Variants in REPS2 observed in about 807,000 individuals in gnomAD.
REPS2 encodes RALBP1 associated Eps domain containing 2, also known as ralBP1-associated Eps domain-containing protein 2.
A neutral mutation model predicts 53.6 loss-of-function variants in REPS2; 23 were observed. The observed-to-expected ratio is 0.43, with a 90% CI of 0.31 to 0.61. The LOEUF (loss-of-function observed/expected upper bound fraction) is 0.61, where lower values mean the gene tolerates loss of function less well. Ranked by LOEUF, REPS2 falls within the 20% of genes least tolerant of loss-of-function variation. The probability of loss-of-function intolerance (pLI) is 0.11; values close to 1 mark genes in which losing one functional copy is unlikely to be tolerated. For missense variants in REPS2, 446 were observed against 534.9 expected, an observed-to-expected ratio of 0.83 and a Z score of 1.64; for synonymous variants, 238 against 218.6, an observed-to-expected ratio of 1.09 and a Z score of -0.78.
intron 2 of REPS2, among the ~76,000 whole-genome samples, chrX:17,018,312 G>T (rs1429948149): frequency 9.3e-6 from 1 of 107,238 alleles, no homozygotes; most frequent in East Asian, 2.9e-4. Flanking sequence ...TCAGCCTCCC[G>T]AGTAGCTGGG....
chrX:17,134,339 T>C (rs2063332988), intron 15 of REPS2, among the ~76,000 whole-genome samples: 1 of 111,641 alleles, frequency 9.0e-6, no homozygotes, highest in Non-Finnish European at 1.9e-5. Context: ...AGCCATGCCA[T>C]TGGGTCACCT....
At chrX:17,105,998 C>A (rs1385657737) in intron 14 of REPS2, among the ~76,000 whole-genome samples, 1 of 111,797 alleles carries the variant, frequency 8.9e-6, no homozygotes, top group Non-Finnish European at 1.9e-5. Context: ...GCCCCTCTAC[C>A]CCTCTGGGAG....
At chrX:16,958,417 A>G (rs918293790) in intron 1 of REPS2, among the ~76,000 whole-genome samples, 2 of 111,558 alleles carry the variant, frequency 1.8e-5, no homozygotes, top group Non-Finnish European at 3.8e-5. Context: ...GGGTAAGGCT[A>G]TGTATCACTT....
At chrX:17,016,186 G>A (rs1167914843) in intron 2 of REPS2, among the ~76,000 whole-genome samples, 1 of 111,532 alleles carries the variant, frequency 9.0e-6, no homozygotes, top group Non-Finnish European at 1.9e-5. Flanking sequence ...TTTTTCATGT[G>A]TTTTTTGACT....
At chrX:17,139,139 C>T (rs1401933039) in intron 17 of REPS2, among the ~76,000 whole-genome samples, 178 bp downstream of exon 17, 2 of 112,021 alleles carry the variant, frequency 1.8e-5, no homozygotes, top group African/African-American at 6.5e-5. Flanking sequence ...CATTTAGTTC[C>T]ATCCCTGTTG....
chrX:17,159,617 C>G, the REPS2 span, among the ~76,000 whole-genome samples: 1 of 111,738 alleles, frequency 8.9e-6, no homozygotes, highest in Non-Finnish European at 1.9e-5. Flanking sequence ...ACTCCATCAT[C>G]TATACGTTAC....
At position 17,022,114 on chromosome X, in the gene REPS2, G is replaced by A. The variant is rs768843503; in HGVS notation, c.398-9G>A. The A allele has an allele frequency of 8.4e-7, 1 of 1,194,048 alleles. No individual in the cohort carries two copies. The highest frequency in any genetic ancestry group is 1.7e-5 in the African/African-American group (1 of 57,261). On this transcript the variant is annotated splice_polypyrimidine_tract_variant and intron_variant, in intron 2 of 17. Coordinates refer to ENST00000357277, the MANE Select transcript of REPS2 (RefSeq NM_004726.3). ...CTGACTAGAGCTTCTCTGATTTCTGGTCCCAAAGAATTGCCTCTGCCTCGC... is the reference window on the plus strand; with the variant it reads ...CTGACTAGAGCTTCTCTGATTTCTGATCCCAAAGAATTGCCTCTGCCTCGC...
downstream of REPS2, among the ~76,000 whole-genome samples, chrX:17,154,705 C>A (rs2063598376): frequency 8.9e-6 from 1 of 112,660 alleles, no homozygotes; most frequent in Non-Finnish European, 1.9e-5. Flanking sequence ...TTACCTTTCA[C>A]TGAAGTAACA....
chrX:16,996,667 A>G (rs1380665813), intron 1 of REPS2, among the ~76,000 whole-genome samples: 6 of 112,514 alleles, frequency 5.3e-5, no homozygotes, highest in African/African-American at 1.9e-4. Flanking sequence ...GCTCTGTGCT[A>G]GAGAATCTCA....
At chrX:17,141,011 C>T (rs907413643) in intron 17 of REPS2, among the ~76,000 whole-genome samples, 1 of 111,494 alleles carries the variant, frequency 9.0e-6, no homozygotes, top group Non-Finnish European at 1.9e-5. Context: ...ACCTTGTGAT[C>T]TGCCCGCCTA....
chrX:17,161,174 C>T, the REPS2 span, among the ~76,000 whole-genome samples: 7 of 111,065 alleles, frequency 6.3e-5, no homozygotes, highest in African/African-American at 2.3e-4. Flanking sequence ...ATAGGGGCCA[C>T]CAGAGGGCAG....
intron 2 of REPS2, among the ~76,000 whole-genome samples, chrX:17,015,138 A>T (rs1268842602): frequency 8.8e-6 from 1 of 113,119 alleles, no homozygotes; most frequent in Non-Finnish European, 1.9e-5. Flanking sequence ...CTTATCAAAC[A>T]TTGTAGAAAA....
intron 4 of REPS2, among the ~76,000 whole-genome samples, chrX:17,026,886 T>A (rs1464107575): frequency 8.9e-6 from 1 of 111,793 alleles, no homozygotes; most frequent in Non-Finnish European, 1.9e-5. Context: ...CTCCTAGGTT[T>A]AGGTGATCCT....
At chrX:16,998,377 T>C (rs979798003) in intron 1 of REPS2, among the ~76,000 whole-genome samples, 2 of 112,497 alleles carry the variant, frequency 1.8e-5, no homozygotes, top group African/African-American at 6.5e-5. Flanking sequence ...AAGCCAATTT[T>C]GTTAGTTTCA....
intron 1 of REPS2, among the ~76,000 whole-genome samples, chrX:17,000,921 G>T (rs944267020): frequency 9.0e-6 from 1 of 111,703 alleles, no homozygotes; most frequent in African/African-American, 3.3e-5. Context: ...ACCCATGAGC[G>T]GTAGTTTTCC....
intron 1 of REPS2, among the ~76,000 whole-genome samples, chrX:16,951,072 AC>A (rs1292330951): frequency 8.9e-6 from 1 of 111,921 alleles, no homozygotes; most frequent in Non-Finnish European, 1.9e-5. Flanking sequence ...AGCCTGTCAA[AC>A]CCAAACCAAA....
intron 14 of REPS2, among the ~76,000 whole-genome samples, chrX:17,129,889 A>G (rs2063269018): frequency 1.8e-5 from 2 of 111,650 alleles, no homozygotes; most frequent in Non-Finnish European, 3.8e-5. Flanking sequence ...AGAACCAACT[A>G]ACTGAAAGGC....
rs2147913461 is a variant in REPS2, at chrX:17,047,488, A to C, written c.907+6A>C. ...CCCAAGCTCTTTCATTTCAGGTAAG[A>C]ATGTGGGCTCCCTAGGCATCACTCT... On this transcript the variant is annotated splice_donor_region_variant and intron_variant, in intron 6 of 17. Transcript: ENST00000357277. The C allele has an allele frequency of 5.0e-6, 6 of 1,208,473 alleles. No homozygotes were observed. The East Asian group carries it at 1.8e-4, about 36-fold the overall frequency.
At chrX:17,006,029 T>C (rs1180226750) in intron 1 of REPS2, among the ~76,000 whole-genome samples, 192 bp from the exon 2 acceptor site, 1 of 112,047 alleles carries the variant, frequency 8.9e-6, no homozygotes, top group Non-Finnish European at 1.9e-5. Context: ...ATAGGTAGAA[T>C]TTAGTAATCT....
Sources: allele counts gnomAD v4.1 joint callset (sites outside exome capture counted in the v4.1 genomes callset), GRCh38; gene constraint gnomAD v4.1.1; transcripts MANE v1.5; gene names NCBI Gene and HGNC (gene_info 2026-07-23, HGNC 2026-07-21).